The following CENPP variants were observed in gnomAD, a reference collection of about 807,000 sequenced individuals.
The protein encoded by CENPP is centromere protein P.
CENPP carries 24 observed loss-of-function variants against 35.6 expected under a neutral mutation model. The observed-to-expected ratio is 0.67, with a 90% CI of 0.49 to 0.95. The LOEUF (loss-of-function observed/expected upper bound fraction) is 0.95. CENPP is among the 40% of genes least tolerant of loss of function. The pLI is 0.00. For missense variants in CENPP, 332 were observed against 345.3 expected (o/e 0.96, Z 0.31); for synonymous variants, 120 against 125.5 (o/e 0.96, Z 0.29).
At chr9:92,572,304 C>T (rs1345411045) in intron 5 of CENPP, among the ~76,000 whole-genome samples, 1 of 152,090 alleles carries the variant, frequency 6.6e-6, no homozygotes, top group Non-Finnish European at 1.5e-5. Context: ...AATCTCTCAG[C>T]ATTTGTTTGT....
chr9:92,419,448 A>T (rs1588117289), intron 5 of CENPP, among the ~76,000 whole-genome samples: 1 of 150,990 alleles, frequency 6.6e-6, no homozygotes, highest in Admixed American at 6.6e-5. Flanking sequence ...TTACAGGTGC[A>T]CTCCACCACA....
At chr9:92,337,178 C>G (rs1482464242) in intron 2 of CENPP, among the ~76,000 whole-genome samples, 1 of 152,058 alleles carries the variant, frequency 6.6e-6, no homozygotes, top group Non-Finnish European at 1.5e-5. Context: ...ATTAGCCAGG[C>G]ATGGTGGTGC....
chr9:92,466,733 A>AT (rs1197720805), intron 5 of CENPP, among the ~76,000 whole-genome samples: 1 of 152,202 alleles, frequency 6.6e-6, no homozygotes, highest in Admixed American at 6.5e-5. Context: ...TTTTAAAAAA[A>AT]TTTTACTACT....
rs1851544985 is a variant in CENPP at position 92,619,246 on chromosome 9, C to T, written c.*6097C>T. ...GGAGTATTTTCTTAGAAAACAGTAA[C>T]TTTCAATGTACTAACAATCCTTTTA... On this transcript the variant is annotated 3_prime_UTR_variant, in exon 8 of 8. Coordinates refer to ENST00000375587, the MANE Select transcript of CENPP (RefSeq NM_001012267.3). The T allele has an allele frequency of 2.0e-6, 1 of 488,736 alleles. No individual in the cohort carries two copies. The allele number at this position is 488,736 out of a possible 1,614,324, so 30.3% of individuals were successfully genotyped here. A position where few individuals can be genotyped will look rare whatever the true frequency, so the allele number is the denominator to read the frequency against.
At chr9:92,588,741 G>A (rs891197243) in intron 5 of CENPP, among the ~76,000 whole-genome samples, 3 of 152,066 alleles carry the variant, frequency 2.0e-5, no homozygotes, top group African/African-American at 7.2e-5. Context: ...TCAACAAAAC[G>A]CAGACAATAT....
rs928077857 is a variant in CENPP, at chr9:92,579,608, T to C, written c.565-31706T>C. ...CATGATTTGGCTCTCTGTTTGTCTG[T>C]TATTGGTGTATAAGAATGCTTGTGA... On this transcript the variant is annotated intron_variant, in intron 5 of 7. Coordinates refer to ENST00000375587, the MANE Select transcript of CENPP (RefSeq NM_001012267.3). Among the ~76,000 whole-genome samples, 34 of 151,670 alleles carry C rather than the reference T, an allele frequency of 2.2e-4. No individual in the cohort carries two copies. The South Asian group carries it at 7.1e-3, about 32-fold the overall frequency.
At chr9:92,480,555 T>C (rs1029541164) in intron 5 of CENPP, among the ~76,000 whole-genome samples, 7 of 152,370 alleles carry the variant, frequency 4.6e-5, no homozygotes, top group South Asian at 2.1e-4. Flanking sequence ...TCATAACATA[T>C]GGACTGGAAA....
upstream of CENPP, chr9:92,325,655 C>G (rs1212712235): frequency 3.4e-5 from 10 of 294,802 alleles, no homozygotes; most frequent in Admixed American, 5.3e-4. Context: ...AGCCCTGCCT[C>G]TTTAGTGAGG....
chr9:92,490,209 A>T (rs368863922), intron 5 of CENPP, among the ~76,000 whole-genome samples: 2 of 152,214 alleles, frequency 1.3e-5, no homozygotes, highest in African/African-American at 4.8e-5. Context: ...GATTTTGTGC[A>T]CGAAGAAACT....
intron 5 of CENPP, among the ~76,000 whole-genome samples, chr9:92,491,285 A>G (rs1846165826): frequency 1.3e-5 from 2 of 152,198 alleles, no homozygotes; most frequent in African/African-American, 4.8e-5. Flanking sequence ...TGTCCTGGGT[A>G]GCGGCACAGG....
intron 5 of CENPP, among the ~76,000 whole-genome samples, chr9:92,460,952 T>A (rs892812150): frequency 1.2e-4 from 19 of 152,312 alleles, no homozygotes; most frequent in African/African-American, 4.1e-4. Flanking sequence ...GTGCTGGGAT[T>A]ACAGGCGTGA....
chr9:92,572,648 T>A (rs1158114832), intron 5 of CENPP, among the ~76,000 whole-genome samples: 1 of 152,228 alleles, frequency 6.6e-6, no homozygotes, highest in African/African-American at 2.4e-5. Flanking sequence ...CTTGCTATGT[T>A]GGGGAAGTTC....
In CENPP at chr9:92,523,558, C is replaced by T. The variant is rs142547597; in HGVS notation, c.565-87756C>T. 1.4e-4 allele frequency among the ~76,000 whole-genome samples: 21 copies of T among 152,270 alleles called. No individual in the cohort carries two copies. In the East Asian group the frequency reaches 3.7e-3, roughly 27 times the overall value. On this transcript the variant is annotated intron_variant, in intron 5 of 7. Transcript: ENST00000375587. Reference sequence around the variant, plus strand: ...AAGGCCCAGAGTTCTGGTCTCCACACGATTTATTGAGTACAATCACTTAGA... The same window carrying T: ...AAGGCCCAGAGTTCTGGTCTCCACATGATTTATTGAGTACAATCACTTAGA...
At chr9:92,387,499 C>T (rs940730614) in intron 5 of CENPP, among the ~76,000 whole-genome samples, 3 of 152,144 alleles carry the variant, frequency 2.0e-5, no homozygotes, top group Non-Finnish European at 4.4e-5. Context: ...TGATCAGTAA[C>T]CCATTATTGT....
intron 4 of CENPP, among the ~76,000 whole-genome samples, chr9:92,375,874 G>C (rs1197771700): frequency 6.9e-6 from 1 of 145,746 alleles, no homozygotes; most frequent in South Asian, 2.2e-4. Context: ...TTTTTCCTAT[G>C]ACTGGGCCAT....
chr9:92,525,971 C>T (rs1353736271), intron 5 of CENPP, among the ~76,000 whole-genome samples: 1 of 148,472 alleles, frequency 6.7e-6, no homozygotes, highest in Admixed American at 6.7e-5. Flanking sequence ...AACTATATTA[C>T]TGGTTTATGT....
intron 5 of CENPP, among the ~76,000 whole-genome samples, chr9:92,538,577 C>T (rs1849243838): frequency 6.6e-6 from 1 of 152,194 alleles, no homozygotes; most frequent in Non-Finnish European, 1.5e-5. Context: ...GAGAAGGTTG[C>T]AGAAAACCAA....
chr9:92,517,392 C>G (rs1847795016), intron 5 of CENPP: 1 of 553,590 alleles, frequency 1.8e-6, no homozygotes. Context: ...AATTCAGGAT[C>G]TGTTGTAGAA....
intron 5 of CENPP, among the ~76,000 whole-genome samples, chr9:92,605,605 A>G (rs576842576): frequency 3.9e-5 from 6 of 152,288 alleles, no homozygotes; most frequent in Admixed American, 3.3e-4. Flanking sequence ...AGACAAAAGA[A>G]TGGAGCTGGA....
Sources: gnomAD v4.1 joint callset for allele counts (sites outside exome capture counted in the v4.1 genomes callset) on GRCh38, gnomAD v4.1.1 for gene constraint, MANE v1.5 for transcripts, NCBI Gene and HGNC (gene_info 2026-07-23, HGNC 2026-07-21) for gene names.